PTAFR: variants seen among roughly 807,000 people sequenced by gnomAD.
PTAFR encodes the protein platelet-activating factor receptor.
A neutral mutation model predicts 14.7 loss-of-function variants in PTAFR; 8 were observed. That is an observed-to-expected ratio of 0.54 (90% CI 0.32 to 0.98). The LOEUF (loss-of-function observed/expected upper bound fraction) is 0.98, where lower values mean the gene tolerates loss of function less well. Among genes scored for constraint, PTAFR ranks in the 50% least tolerant of loss-of-function variants. The pLI is 0.04. For missense variants in PTAFR, 337 were observed against 451.2 expected (o/e 0.75, Z 2.29); for synonymous variants, 156 against 176.5 (o/e 0.88, Z 0.92).
chr1:28,178,432 T>G (rs933266015), upstream of PTAFR, among the ~76,000 whole-genome samples: 6 of 151,796 alleles, frequency 4.0e-5, no homozygotes, highest in African/African-American at 1.5e-4. Context: ...GGCTAATTTT[T>G]GTCTTTTTAG....
chr1:28,182,089 AC>A (rs1299744395), intron 1 of PTAFR, among the ~76,000 whole-genome samples: 1 of 152,122 alleles, frequency 6.6e-6, no homozygotes, highest in Non-Finnish European at 1.5e-5. Context: ...TAATCCCAGC[AC>A]TTTGGGAGGC....
At position 28,150,889 on chromosome 1, in the gene PTAFR, G is replaced by A; in HGVS notation, c.133C>T (p.Pro45Ser). 6.2e-7 allele frequency: 1 copy of A among 1,614,044 alleles called. No individual in the cohort carries two copies. Among genetic ancestry groups the A allele is most frequent in the Non-Finnish European group, 8.5e-7 (1 of 1,180,010 alleles). ...TTTATCTCATTGAATTTCTTGCAAGGGTACAGGCGGGCAAAGACCCACAGC... is the reference window on the plus strand; with the variant it reads ...TTTATCTCATTGAATTTCTTGCAAGAGTACAGGCGGGCAAAGACCCACAGC... ...YVLWVFARLY[P>S]CKKFNEIKIF... Residue 45 changes from proline to serine, a missense_variant, in exon 2 of 2, where the codon CCT becomes TCT. Coordinates refer to ENST00000373857, the MANE Select transcript of PTAFR (RefSeq NM_000952.5). This position sits in a 1 kb window ranked among gnomAD's most constrained non-coding sequence, Gnocchi z 6.3.
chr1:28,156,768 A>T (rs972855988), intron 1 of PTAFR, among the ~76,000 whole-genome samples: 6 of 152,194 alleles, frequency 3.9e-5, no homozygotes, highest in Non-Finnish European at 1.5e-5. Flanking sequence ...CAAGATGCCC[A>T]GTTCATCCAG....
In PTAFR at chr1:28,193,722, C is replaced by G. The variant is rs905907; in HGVS notation, c.-39G>C. 10,815 of 152,670 alleles carry G rather than the reference C, an allele frequency of 0.071. 607 individuals are homozygous for G. The highest frequency in any genetic ancestry group is 0.15 in the African/African-American group (6,234 of 41,456). 9.5% of individuals were successfully genotyped at this position (152,670 alleles called of 1,614,324 possible). A position where few individuals can be genotyped will look rare whatever the true frequency, so the allele number is the denominator to read the frequency against. The stretch of plus-strand genomic sequence containing the variant: ...TTCCCTCAGGCCACCAGCCTCTTAC[C>G]TGAGAAACAGCAGGGACAATGGTCC... On this transcript the variant is annotated splice_region_variant and 5_prime_UTR_variant, in exon 1 of 2. Coordinates refer to the PTAFR transcript ENST00000305392.
intron 1 of PTAFR, among the ~76,000 whole-genome samples, chr1:28,183,068 C>T (rs1646575458): frequency 1.3e-5 from 2 of 151,150 alleles, no homozygotes; most frequent in African/African-American, 4.8e-5. Context: ...TAAAGCAATA[C>T]TTGTTGAGCT....
chr1:28,168,553 G>C (rs1214310363), intron 1 of PTAFR, among the ~76,000 whole-genome samples: 1 of 152,180 alleles, frequency 6.6e-6, no homozygotes, highest in Non-Finnish European at 1.5e-5. Context: ...GACATTTAAA[G>C]TAATCAAACG....
At chr1:28,185,181 C>T (rs1478934818) in intron 1 of PTAFR, among the ~76,000 whole-genome samples, 3 of 152,192 alleles carry the variant, frequency 2.0e-5, no homozygotes, top group Non-Finnish European at 2.9e-5. Context: ...ATTATCTTCT[C>T]CCCAGCTAAA....
chr1:28,158,491 A>T (rs1412590900), intron 1 of PTAFR, among the ~76,000 whole-genome samples: 1 of 152,186 alleles, frequency 6.6e-6, no homozygotes, highest in Non-Finnish European at 1.5e-5. Flanking sequence ...TCAGGTCAGG[A>T]GTTTGAGACC....
intron 1 of PTAFR, among the ~76,000 whole-genome samples, chr1:28,172,048 G>C (rs1010143612): frequency 4.6e-5 from 7 of 152,040 alleles, no homozygotes; most frequent in African/African-American, 1.7e-4. Flanking sequence ...CTGAATCTCA[G>C]TCTATCACCT....
chr1:28,185,078 C>A (rs76333169), intron 1 of PTAFR, among the ~76,000 whole-genome samples: 3,222 of 152,278 alleles, frequency 0.021, 127 homozygotes, highest in African/African-American at 0.073. Flanking sequence ...GCCATCCCCC[C>A]ACATTCCCAG....
chr1:28,180,553 G>A (rs1209418642), upstream of PTAFR, among the ~76,000 whole-genome samples: 2 of 152,160 alleles, frequency 1.3e-5, no homozygotes, highest in Non-Finnish European at 2.9e-5. Flanking sequence ...TCCATACAGG[G>A]CAGCCTCCGG....
At chr1:28,155,264 G>T (rs903272877) in intron 1 of PTAFR, among the ~76,000 whole-genome samples, 1 of 152,148 alleles carries the variant, frequency 6.6e-6, no homozygotes, top group African/African-American at 2.4e-5. Context: ...AGGCTGGAGC[G>T]CAGTGGTGCA....
Position 28,163,590 on chromosome 1 carries a change from TCG to T in PTAFR, c.-38-12533_-38-12532del, listed in dbSNP as rs1572035946. ...GCTGTATGACCTGGGGCAAGTGACC[TCG>T]CCTCTCTAACCTTCAATGTCTTCAT... is the stretch of plus-strand genomic sequence containing the variant. On this transcript the variant is annotated intron_variant, in intron 1 of 1. Transcript: ENST00000373857. Among the ~76,000 whole-genome samples, 7 of 152,356 alleles carry T rather than the reference TCG, an allele frequency of 4.6e-5. No individual in the cohort carries two copies. In the East Asian group the frequency reaches 1.3e-3, roughly 29 times the overall value.
At chr1:28,186,953 G>C (rs1646612216) in intron 1 of PTAFR, among the ~76,000 whole-genome samples, 1 of 152,112 alleles carries the variant, frequency 6.6e-6, no homozygotes, top group Non-Finnish European at 1.5e-5. Context: ...TCAAGACAGA[G>C]TGGTATTTTT....
chr1:28,192,680 C>T lies in PTAFR; in HGVS notation c.-39+1042G>A, dbSNP rs1329582746. ...TGTTTGTTTTTAAGACAGAGTCTCG[C>T]TCTGTGCCCAGGCTGGAGTGCAGTG... On this transcript the variant is annotated intron_variant, in intron 1 of 1. Transcript: ENST00000305392. Among the ~76,000 whole-genome samples, 6 of 151,114 alleles carry T rather than the reference C, an allele frequency of 4.0e-5. No homozygotes were observed. In the East Asian group the frequency reaches 1.2e-3, roughly 29 times the overall value.
chr1:28,191,000 G>A (rs1278132386), intron 1 of PTAFR, among the ~76,000 whole-genome samples: 3 of 152,160 alleles, frequency 2.0e-5, no homozygotes, highest in Admixed American at 6.5e-5. Flanking sequence ...ACGCCTGGCC[G>A]CTATCATTCT....
chr1:28,169,656 C>A (rs934847984), intron 1 of PTAFR, among the ~76,000 whole-genome samples: 8 of 152,146 alleles, frequency 5.3e-5, no homozygotes, highest in Admixed American at 3.9e-4. Context: ...AATACCCAGG[C>A]ACATACCTCT....
At position 28,165,709 on chromosome 1, in the gene PTAFR, G is replaced by A. The variant is rs183281207; in HGVS notation, c.-39+10883C>T. Among the ~76,000 whole-genome samples the A allele has an allele frequency of 3.1e-3, 472 of 152,156 alleles. 1 individual carries two copies. Among genetic ancestry groups the A allele is most frequent in the Non-Finnish European group, 5.8e-3 (394 of 68,000 alleles). The stretch of plus-strand genomic sequence containing the variant: ...GAGGCAGGAGAATGGCATGAACCCA[G>A]GAGGCGGAGCTTACAGTGAGCCGAG... On this transcript the variant is annotated intron_variant, in intron 1 of 1. Coordinates refer to ENST00000373857, the MANE Select transcript of PTAFR (RefSeq NM_000952.5).
chr1:28,151,470 G>C (rs1475335119), intron 1 of PTAFR, among the ~76,000 whole-genome samples: 1 of 151,986 alleles, frequency 6.6e-6, no homozygotes, highest in African/African-American at 2.4e-5. Context: ...GAGTCACTGT[G>C]CCCGGCCTCA....
Sources: allele counts gnomAD v4.1 joint callset (sites outside exome capture counted in the v4.1 genomes callset), GRCh38; gene constraint gnomAD v4.1.1; non-coding constraint Gnocchi (gnomAD v3.1); transcripts MANE v1.5; gene names NCBI Gene and HGNC (gene_info 2026-07-23, HGNC 2026-07-21).